The following SYNJ2BP variants were observed in gnomAD, a reference collection of about 807,000 sequenced individuals.
SYNJ2BP encodes synaptojanin-2-binding protein.
SYNJ2BP carries 10 observed loss-of-function variants against 16.9 expected under a neutral mutation model. That is an observed-to-expected ratio of 0.59 (90% CI 0.36 to 1.00). The LOEUF is 1.00. Ranked by LOEUF, SYNJ2BP falls within the 50% of genes least tolerant of loss-of-function variation. The pLI is 0.01. For missense variants in SYNJ2BP, 162 were observed against 186.7 expected (o/e 0.87, Z 0.77); for synonymous variants, 54 against 68.4 (o/e 0.79, Z 1.04).
intron 2 of SYNJ2BP, among the ~76,000 whole-genome samples, chr14:70,380,709 T>A (rs1887730431): frequency 6.6e-6 from 1 of 151,900 alleles, no homozygotes; most frequent in East Asian, 1.9e-4. Flanking sequence ...TATTTATATA[T>A]TAATATTACT....
intron 1 of SYNJ2BP, among the ~76,000 whole-genome samples, chr14:70,394,777 T>C (rs1375294337): frequency 6.6e-6 from 1 of 152,210 alleles, no homozygotes; most frequent in East Asian, 1.9e-4. Context: ...AAGACCTTAT[T>C]ATGTACCAAA....
At chr14:70,399,063 G>T (rs936201452) in intron 1 of SYNJ2BP, among the ~76,000 whole-genome samples, 1 of 152,156 alleles carries the variant, frequency 6.6e-6, no homozygotes. Context: ...CTCCCAAGGT[G>T]CAAGAACCCA....
rs1224306215 is a variant in SYNJ2BP, at chr14:70,415,550, C to CA, written c.64+1349dup. Among the ~76,000 whole-genome samples the CA allele has an allele frequency of 6.1e-3, 393 of 64,692 alleles. 2 individuals are homozygous for CA. The highest frequency in any genetic ancestry group is 0.014 in the Admixed American group (81 of 5,696). 42.4% of individuals were successfully genotyped at this position (64,692 alleles called of 152,430 possible). A position where few individuals can be genotyped will look rare whatever the true frequency, so the allele number is the denominator to read the frequency against. On this transcript the variant is annotated intron_variant, in intron 1 of 3. Coordinates refer to ENST00000256366, the MANE Select transcript of SYNJ2BP (RefSeq NM_018373.3). ...TGGGCAACAGAGTGAGACCCTGTCT[C>CA]AAAAAAAAAAAAAAGAAAAGAAAAA...
intron 1 of SYNJ2BP, among the ~76,000 whole-genome samples, chr14:70,394,352 T>A: frequency 6.6e-6 from 1 of 151,832 alleles, no homozygotes; most frequent in East Asian, 1.9e-4. Context: ...ATACTGATGA[T>A]AACAGTGTAC....
chr14:70,401,063 T>C (rs886118509), intron 1 of SYNJ2BP, among the ~76,000 whole-genome samples: 1 of 152,142 alleles, frequency 6.6e-6, no homozygotes, highest in Non-Finnish European at 1.5e-5. Context: ...GACATCCTCT[T>C]GTAAATATCT....
intron 1 of SYNJ2BP, among the ~76,000 whole-genome samples, chr14:70,397,719 T>C (rs1888132795): frequency 1.3e-5 from 2 of 152,114 alleles, no homozygotes. Context: ...ACATGAAGGG[T>C]TGCAGCTCTT....
At chr14:70,408,079 A>G (rs1433963226) in intron 1 of SYNJ2BP, among the ~76,000 whole-genome samples, 1 of 151,750 alleles carries the variant, frequency 6.6e-6, no homozygotes, top group Non-Finnish European at 1.5e-5. Context: ...AAGGTTAAAA[A>G]TGTTTCTGGG....
intron 1 of SYNJ2BP, among the ~76,000 whole-genome samples, chr14:70,413,071 T>A (rs776182325): frequency 6.6e-6 from 1 of 152,176 alleles, no homozygotes; most frequent in Non-Finnish European, 1.5e-5. Context: ...CTTGAAGACA[T>A]TTGAGATTGT....
At position 70,372,930 on chromosome 14, in the gene SYNJ2BP, G is replaced by C; in HGVS notation, c.*61C>G. On this transcript the variant is annotated 3_prime_UTR_variant, in exon 4 of 4. Coordinates refer to ENST00000256366, the MANE Select transcript of SYNJ2BP (RefSeq NM_018373.3). ...AGAGAGGGAAAGACATGGCAGAATA[G>C]CAGGGGTGGAGGGTGAGTGAAATGT... The C allele has an allele frequency of 1.3e-6, 2 of 1,597,536 alleles. No individual in the cohort carries two copies. The highest frequency in any genetic ancestry group is 1.7e-6 in the Non-Finnish European group (2 of 1,173,454).
At chr14:70,410,975 A>C (rs1888459957) in intron 1 of SYNJ2BP, among the ~76,000 whole-genome samples, 1 of 152,206 alleles carries the variant, frequency 6.6e-6, no homozygotes, top group Non-Finnish European at 1.5e-5. Context: ...CCTATATAAC[A>C]AACCTATACA....
chr14:70,387,692 G>A (rs973086450), intron 2 of SYNJ2BP, among the ~76,000 whole-genome samples: 11 of 152,140 alleles, frequency 7.2e-5, no homozygotes, highest in South Asian at 4.2e-4. Flanking sequence ...TTAGCTGGGC[G>A]TAGTGGCAGG....
chr14:70,389,381 T>TTC lies in SYNJ2BP; in HGVS notation c.65-776_65-775insGA, dbSNP rs1555348273. On this transcript the variant is annotated intron_variant, in intron 1 of 3. Transcript: ENST00000256366. The stretch of plus-strand genomic sequence containing the variant: ...AAATCTCTTGAGAGTTTCTTTTTTT[T>TTC]TTTTTTTTTTTCCATTTTGGTGGTG... 1.3e-4 allele frequency among the ~76,000 whole-genome samples: 20 copies of TTC among 149,094 alleles called. 1 individual carries two copies. Among genetic ancestry groups the TTC allele is most frequent in the African/African-American group, 4.2e-4 (17 of 40,522 alleles).
At chr14:70,389,376 T>TTC (rs1203399478) in intron 1 of SYNJ2BP, among the ~76,000 whole-genome samples, 21 of 101,216 alleles carry the variant, frequency 2.1e-4, no homozygotes, top group African/African-American at 5.5e-4. Flanking sequence ...AGAGTTTCTT[T>TTC]TTTTTTTTTT....
intron 1 of SYNJ2BP, among the ~76,000 whole-genome samples, chr14:70,405,767 A>G (rs933564976): frequency 6.6e-6 from 1 of 152,178 alleles, no homozygotes; most frequent in Non-Finnish European, 1.5e-5. Flanking sequence ...TTTAAACAAT[A>G]TTTTCATATA....
chr14:70,410,592 C>G (rs1466217927), intron 1 of SYNJ2BP, among the ~76,000 whole-genome samples: 1 of 151,916 alleles, frequency 6.6e-6, no homozygotes, highest in African/African-American at 2.4e-5. Context: ...CTATCCATAA[C>G]AGCAAAGAGA....
intron 1 of SYNJ2BP, among the ~76,000 whole-genome samples, chr14:70,407,923 G>A (rs1419472550): frequency 6.6e-6 from 1 of 152,082 alleles, no homozygotes; most frequent in Non-Finnish European, 1.5e-5. Context: ...AATGTAATTA[G>A]CTTATATTCA....
At chr14:70,373,336 G>T (rs1887558141) in intron 3 of SYNJ2BP, among the ~76,000 whole-genome samples, 1 of 152,106 alleles carries the variant, frequency 6.6e-6, no homozygotes, top group South Asian at 2.1e-4. Flanking sequence ...AGGTCTAATG[G>T]GGAGGCATTT....
chr14:70,375,582 C>G (rs562280695), intron 3 of SYNJ2BP, 94 bp downstream of exon 3: 1 of 1,459,910 alleles, frequency 6.8e-7, no homozygotes, highest in Admixed American at 2.4e-5. Flanking sequence ...GAGGGTAAAA[C>G]AAAAAGCAAC....
chr14:70,390,136 A>T (rs1284806324), intron 1 of SYNJ2BP, among the ~76,000 whole-genome samples: 1 of 152,216 alleles, frequency 6.6e-6, no homozygotes, highest in African/African-American at 2.4e-5. Context: ...AGTGCTGGAA[A>T]GGATTTTACT....
Sources: allele counts gnomAD v4.1 joint callset (sites outside exome capture counted in the v4.1 genomes callset), GRCh38; gene constraint gnomAD v4.1.1; transcripts MANE v1.5; gene names NCBI Gene and HGNC (gene_info 2026-07-23, HGNC 2026-07-21).